The following DSE variants were observed in gnomAD, a reference collection of about 807,000 sequenced individuals.
The protein encoded by DSE is dermatan-sulfate epimerase.
In DSE, 36 loss-of-function variants were observed where a neutral mutation model predicts 84.4. That is an observed-to-expected ratio of 0.43 (90% CI 0.33 to 0.56). DSE has a LOEUF of 0.56. DSE is among the 20% of genes least tolerant of loss of function. The pLI is 0.06. For missense variants in DSE, 862 were observed against 1,169.6 expected, an observed-to-expected ratio of 0.74 and a Z score of 3.84; for synonymous variants, 410 against 430.1, an observed-to-expected ratio of 0.95 and a Z score of 0.58.
chr6:116,317,614 G>T (rs971124154), intron 2 of DSE, among the ~76,000 whole-genome samples: 1 of 152,216 alleles, frequency 6.6e-6, no homozygotes, highest in Admixed American at 6.5e-5. Context: ...AAAGGGGTGT[G>T]TGTGTTGTTT....
chr6:116,318,066 T>C (rs1776087611), intron 2 of DSE, among the ~76,000 whole-genome samples: 1 of 152,236 alleles, frequency 6.6e-6, no homozygotes, highest in African/African-American at 2.4e-5. Flanking sequence ...AGTGTTTTTC[T>C]ATGATCGAAC....
At chr6:116,405,649 C>G (rs530957694) in intron 2 of DSE, among the ~76,000 whole-genome samples, 6 of 152,272 alleles carry the variant, frequency 3.9e-5, no homozygotes, top group Admixed American at 3.3e-4. Flanking sequence ...CTTTTTACAA[C>G]GATCAAATTA....
chr6:116,427,380 T>C (rs906812357), intron 3 of DSE, among the ~76,000 whole-genome samples: 1 of 152,212 alleles, frequency 6.6e-6, no homozygotes, highest in East Asian at 1.9e-4. Flanking sequence ...TAACTCTAAA[T>C]TACAACTTCT....
chr6:116,428,321 G>A (rs1384422065), intron 3 of DSE, among the ~76,000 whole-genome samples: 1 of 152,092 alleles, frequency 6.6e-6, no homozygotes, highest in Non-Finnish European at 1.5e-5. Context: ...AATGGTGAAA[G>A]GATCCCTTAG....
At chr6:116,279,345 G>T in intron 2 of DSE, 1 of 1,611,284 alleles carries the variant, frequency 6.2e-7, no homozygotes, top group Non-Finnish European at 8.5e-7. Flanking sequence ...CTGCTGAGAC[G>T]GTGGCGCACT....
intron 1 of DSE, among the ~76,000 whole-genome samples, chr6:116,384,968 A>G (rs973250773): frequency 3.3e-5 from 5 of 152,226 alleles, no homozygotes; most frequent in Admixed American, 6.5e-5. Context: ...TAATGATGTC[A>G]TTTAAATAAG....
At chr6:116,359,736 C>T (rs1778785569) in intron 2 of DSE, among the ~76,000 whole-genome samples, 2 of 152,162 alleles carry the variant, frequency 1.3e-5, no homozygotes, top group Non-Finnish European at 2.9e-5. Flanking sequence ...ATAGGCTTTG[C>T]AATATTATTA....
At chr6:116,278,501 T>C in intron 2 of DSE, 1 of 1,613,670 alleles carries the variant, frequency 6.2e-7, no homozygotes, top group Non-Finnish European at 8.5e-7. Context: ...TGCAGGAGTA[T>C]TCCCAAGGGC....
intron 2 of DSE, chr6:116,280,019 C>T (rs1773420905): frequency 4.0e-6 from 3 of 751,376 alleles, no homozygotes; most frequent in Admixed American, 2.2e-5. Context: ...CCGCTCCCTG[C>T]CAGCCAACCG....
In DSE at chr6:116,440,348, A is replaced by G. The variant is rs913036571; in HGVS notation, c.*3003A>G. The G allele has an allele frequency of 1.3e-5, 2 of 152,152 alleles. No homozygotes were observed. The highest frequency in any genetic ancestry group is 4.8e-5 in the African/African-American group (2 of 41,432). 9.4% of individuals were successfully genotyped at this position (152,152 alleles called of 1,614,324 possible). On this transcript the variant is annotated 3_prime_UTR_variant, in exon 6 of 6. Coordinates refer to ENST00000644252, the MANE Select transcript of DSE (RefSeq NM_013352.4). ...GTCCTTTCTGCATCACCCAGGCTGAAGTGTAGTGGCGTGATCGTAGCTCAC... is the reference window on the plus strand; with the variant it reads ...GTCCTTTCTGCATCACCCAGGCTGAGGTGTAGTGGCGTGATCGTAGCTCAC...
chr6:116,363,699 G>A (rs1048044554), intron 2 of DSE, among the ~76,000 whole-genome samples: 5 of 152,038 alleles, frequency 3.3e-5, no homozygotes, highest in South Asian at 2.1e-4. Context: ...TTCATATATC[G>A]GGGAGAAATT....
chr6:116,431,301 A>G (rs761947971), intron 4 of DSE, 108 bp downstream of exon 4: 120 of 1,401,272 alleles, frequency 8.6e-5, no homozygotes, highest in Non-Finnish European at 1.1e-4. Flanking sequence ...AGTTTGTCAT[A>G]TTGAAATTAA....
chr6:116,350,887 A>G (rs1778272063), intron 2 of DSE, among the ~76,000 whole-genome samples: 1 of 150,600 alleles, frequency 6.6e-6, no homozygotes, highest in African/African-American at 2.5e-5. Flanking sequence ...TTGTATAAAG[A>G]TTTTCCTGGC....
At chr6:116,290,266 A>T (rs1051116373) in intron 2 of DSE, among the ~76,000 whole-genome samples, 1 of 152,078 alleles carries the variant, frequency 6.6e-6, no homozygotes, top group African/African-American at 2.4e-5. Context: ...GTTTTCTTGG[A>T]TCTGTATCAT....
intron 2 of DSE, among the ~76,000 whole-genome samples, chr6:116,340,851 G>C (rs1287077151): frequency 6.6e-6 from 1 of 152,126 alleles, no homozygotes; most frequent in African/African-American, 2.4e-5. Flanking sequence ...GTATTCCGTG[G>C]TGTATATGTG....
intron 2 of DSE, among the ~76,000 whole-genome samples, chr6:116,267,792 C>G (rs1772700123): frequency 6.6e-6 from 1 of 152,060 alleles, no homozygotes; most frequent in South Asian, 2.1e-4. Flanking sequence ...GAGGAGCCCT[C>G]AGGAAACTTA....
At chr6:116,419,985 A>G (rs1192557645) in intron 2 of DSE, among the ~76,000 whole-genome samples, 1 of 152,180 alleles carries the variant, frequency 6.6e-6, no homozygotes, top group Non-Finnish European at 1.5e-5. Flanking sequence ...TATACTGTGG[A>G]TCAAATTGTG....
intron 2 of DSE, among the ~76,000 whole-genome samples, chr6:116,303,647 A>G (rs1298223594): frequency 6.6e-6 from 1 of 151,580 alleles, no homozygotes; most frequent in African/African-American, 2.4e-5. Context: ...ACAGGTGACG[A>G]TAGGGGTAGG....
chr6:116,434,770 C>T (rs969794948), intron 5 of DSE, among the ~76,000 whole-genome samples: 2 of 152,152 alleles, frequency 1.3e-5, no homozygotes, highest in African/African-American at 2.4e-5. Flanking sequence ...AACTGAGACT[C>T]TAGAACAACA....
Sources: allele counts gnomAD v4.1 joint callset (sites outside exome capture counted in the v4.1 genomes callset), GRCh38; gene constraint gnomAD v4.1.1; transcripts MANE v1.5; gene names NCBI Gene and HGNC (gene_info 2026-07-23, HGNC 2026-07-21).